Variants in PTPRD observed in about 807,000 individuals in gnomAD.
PTPRD encodes receptor-type tyrosine-protein phosphatase delta.
PTPRD carries 34 observed loss-of-function variants against 214.5 expected under a neutral mutation model. That is an observed-to-expected ratio of 0.16 (90% CI 0.12 to 0.21). The LOEUF is 0.21. Among genes scored for constraint, PTPRD ranks in the 10% least tolerant of loss-of-function variants. The pLI is 1.00. For synonymous variants in PTPRD, 1,128 were observed against 845.7 expected (o/e 1.33, Z -5.79); for missense variants, 2,545 against 2,398.7 (o/e 1.06, Z -1.27).
At chr9:8,352,593 T>C (rs978336170) in intron 39 of PTPRD, among the ~76,000 whole-genome samples, 6 of 152,134 alleles carry the variant, frequency 3.9e-5, no homozygotes, top group African/African-American at 1.4e-4. Context: ...GTACAACGTG[T>C]GCAACCTGCT....
chr9:8,837,654 G>A (rs1206181096), intron 11 of PTPRD, among the ~76,000 whole-genome samples: 2 of 151,944 alleles, frequency 1.3e-5, no homozygotes, highest in Non-Finnish European at 2.9e-5. Context: ...ATACCACCAT[G>A]CCTCGCTAAA....
At chr9:10,345,608 G>A (rs1435734863) in intron 2 of PTPRD, among the ~76,000 whole-genome samples, 3 of 152,086 alleles carry the variant, frequency 2.0e-5, no homozygotes, top group African/African-American at 7.2e-5. Flanking sequence ...TCCTTTTTGT[G>A]GCTACACAGT....
chr9:8,849,812 C>A (rs2097777695), intron 11 of PTPRD, among the ~76,000 whole-genome samples: 1 of 152,116 alleles, frequency 6.6e-6, no homozygotes, highest in African/African-American at 2.4e-5. Flanking sequence ...GCTCTGATGG[C>A]TGTGTTGAGT....
At chr9:10,391,609 C>A (rs1586989880) in intron 2 of PTPRD, among the ~76,000 whole-genome samples, 1 of 151,724 alleles carries the variant, frequency 6.6e-6, no homozygotes, top group Non-Finnish European at 1.5e-5. Context: ...TGAGTATAAC[C>A]ATTGCTCAAA....
At chr9:9,955,255 G>A (rs1228112399) in intron 4 of PTPRD, among the ~76,000 whole-genome samples, 2 of 151,706 alleles carry the variant, frequency 1.3e-5, no homozygotes, top group African/African-American at 2.4e-5. Flanking sequence ...ATGAGTGAAC[G>A]AGTACTAAAC....
chr9:10,611,715 G>C (rs550569498), intron 2 of PTPRD, among the ~76,000 whole-genome samples: 1 of 152,250 alleles, frequency 6.6e-6, no homozygotes, highest in Admixed American at 6.5e-5. Context: ...CTGTGTCAAA[G>C]TCACAGTCTC....
At chr9:9,458,689 C>T (rs2093335555) in intron 8 of PTPRD, among the ~76,000 whole-genome samples, 2 of 151,986 alleles carry the variant, frequency 1.3e-5, no homozygotes, top group South Asian at 4.1e-4. Flanking sequence ...CTCCTTAATC[C>T]CAGCACTTTG....
chr9:8,753,743 G>GT (rs1336321151), intron 11 of PTPRD, among the ~76,000 whole-genome samples: 2 of 152,148 alleles, frequency 1.3e-5, no homozygotes, highest in Non-Finnish European at 2.9e-5. Context: ...CACTAAAAAT[G>GT]TAACAAAAGT....
chr9:9,402,436 CA>C (rs1329693924), intron 8 of PTPRD, among the ~76,000 whole-genome samples: 4 of 152,008 alleles, frequency 2.6e-5, no homozygotes, highest in African/African-American at 9.7e-5. Flanking sequence ...GGAGATTTAA[CA>C]AAAAATTTCT....
intron 35 of PTPRD, among the ~76,000 whole-genome samples, chr9:8,430,624 G>C (rs1328512752): frequency 2.6e-5 from 4 of 152,052 alleles, no homozygotes; most frequent in Non-Finnish European, 5.9e-5. Context: ...CTTTTAAAAT[G>C]TAGATTCTGA....
intron 2 of PTPRD, among the ~76,000 whole-genome samples, chr9:10,506,216 A>G (rs540940712): frequency 6.6e-6 from 1 of 152,132 alleles, no homozygotes; most frequent in African/African-American, 2.4e-5. Flanking sequence ...ATCACTTTTA[A>G]AAAACATTTT....
intron 39 of PTPRD, among the ~76,000 whole-genome samples, chr9:8,348,291 G>A (rs1229999304): frequency 3.3e-5 from 5 of 152,050 alleles, no homozygotes; most frequent in Non-Finnish European, 5.9e-5. Context: ...TTATTTTGAT[G>A]CATCTATTGG....
intron 4 of PTPRD, among the ~76,000 whole-genome samples, chr9:10,000,489 A>T (rs932766565): frequency 6.6e-6 from 1 of 152,170 alleles, no homozygotes; most frequent in African/African-American, 2.4e-5. Context: ...GTTCCCCGAC[A>T]TGACGCCCCT....
chr9:9,420,887 G>C (rs4742594), intron 8 of PTPRD, among the ~76,000 whole-genome samples: 43,932 of 151,646 alleles, frequency 0.29, 6,793 homozygotes, highest in East Asian at 0.45. Context: ...CAGATAATTT[G>C]TTAAAATATT....
At chr9:9,042,606 TTTTTTTTCTTTTC>T in intron 10 of PTPRD, among the ~76,000 whole-genome samples, 1 of 81,154 alleles carries the variant, frequency 1.2e-5, no homozygotes, top group African/African-American at 4.4e-5. Flanking sequence ...GCATTTTTTC[TTTTTTTTCTTTTC>T]TTTTTTTTTT....
chr9:9,813,026 T>C (rs75084008), intron 5 of PTPRD, among the ~76,000 whole-genome samples: 1 of 151,938 alleles, frequency 6.6e-6, no homozygotes, highest in Non-Finnish European at 1.5e-5. Context: ...TTCACAAATA[T>C]GTGGAAAGTA....
chr9:8,554,119 C>T (rs1485636649), intron 14 of PTPRD, among the ~76,000 whole-genome samples: 5 of 152,068 alleles, frequency 3.3e-5, no homozygotes, highest in Admixed American at 1.3e-4. Context: ...ACCCAGGAGG[C>T]GAAGGTTGCA....
At chr9:8,883,457 C>T (rs372660045) in intron 11 of PTPRD, among the ~76,000 whole-genome samples, 3 of 152,156 alleles carry the variant, frequency 2.0e-5, no homozygotes, top group Non-Finnish European at 4.4e-5. Flanking sequence ...TCAGTCAGGA[C>T]CATAAACTTG....
intron 3 of PTPRD, among the ~76,000 whole-genome samples, chr9:10,162,738 T>TATAC (rs1554769325): frequency 5.5e-5 from 8 of 146,386 alleles, no homozygotes; most frequent in African/African-American, 1.5e-4. Context: ...TGTACATATA[T>TATAC]ATATACATAT....
Sources: allele counts gnomAD v4.1 joint callset (sites outside exome capture counted in the v4.1 genomes callset), GRCh38; gene constraint gnomAD v4.1.1; transcripts MANE v1.5; gene names NCBI Gene and HGNC (gene_info 2026-07-23, HGNC 2026-07-21).